The following ZNF322 variants were observed in gnomAD, a reference collection of about 807,000 sequenced individuals.
The protein encoded by ZNF322 is zinc finger protein 322, also known as HLA complex group 12.
Under a neutral mutation model 18.3 loss-of-function variants are expected in ZNF322, and 1 was observed. The ratio of observed to expected loss-of-function variants is 0.05; its 90% CI spans 0.02 to 0.26. The LOEUF (loss-of-function observed/expected upper bound fraction) is 0.26, where lower values mean the gene tolerates loss of function less well. Ranked by LOEUF, ZNF322 falls within the 10% of genes least tolerant of loss-of-function variation. The probability of loss-of-function intolerance (pLI) is 1.00; values close to 1 mark genes in which losing one functional copy is unlikely to be tolerated. For missense variants in ZNF322, 36 were observed against 403.6 expected (o/e 0.09, Z 7.80); for synonymous variants, 17 against 130.7 (o/e 0.13, Z 5.93).
Position 26,656,089 on chromosome 6 carries a change from T to C in ZNF322, c.-246+2469A>G, listed in dbSNP as rs1010943123. On this transcript the variant is annotated intron_variant, in intron 2 of 3. Transcript: ENST00000415922. ...GGGAGTTCTTTGTACCATTTTGCAATTTTTTGTATATCTGTACTTATTCAA... is the reference window on the plus strand; with the variant it reads ...GGGAGTTCTTTGTACCATTTTGCAACTTTTTGTATATCTGTACTTATTCAA... 1.6e-4 allele frequency among the ~76,000 whole-genome samples: 24 copies of C among 152,354 alleles called. No individual in the cohort carries two copies. In the East Asian group the frequency reaches 4.6e-3, roughly 29 times the overall value.
intron 2 of ZNF322, among the ~76,000 whole-genome samples, chr6:26,645,434 C>T (rs1765539096): frequency 6.6e-6 from 1 of 152,112 alleles, no homozygotes; most frequent in South Asian, 2.1e-4. Context: ...GAAAAACCCA[C>T]TCTAAGTACA....
At chr6:26,640,803 T>C (rs1219741435) in intron 3 of ZNF322, among the ~76,000 whole-genome samples, 2 of 152,170 alleles carry the variant, frequency 1.3e-5, no homozygotes, top group Non-Finnish European at 2.9e-5. Flanking sequence ...TATGAAAACT[T>C]TGACTGCAAA....
chr6:26,643,950 A>G (rs2113662239), intron 2 of ZNF322, among the ~76,000 whole-genome samples: 1 of 152,308 alleles, frequency 6.6e-6, no homozygotes, highest in South Asian at 2.1e-4. Context: ...TGCACAATCT[A>G]TAGCTTCCTT....
intron 2 of ZNF322, among the ~76,000 whole-genome samples, chr6:26,648,243 G>A (rs1554148867): frequency 1.3e-5 from 2 of 152,176 alleles, no homozygotes; most frequent in African/African-American, 4.8e-5. Context: ...GATAGTGAAA[G>A]AACCTGCAAC....
intron 1 of ZNF322, 144 bp downstream of exon 1, chr6:26,659,297 C>G (rs1765839509): frequency 1.3e-5 from 2 of 154,738 alleles, no homozygotes; most frequent in South Asian, 4.1e-4. Context: ...CATTGACCAT[C>G]TTTCAGTCCT....
At chr6:26,645,473 G>GA (rs1403289349) in intron 2 of ZNF322, among the ~76,000 whole-genome samples, 93 of 147,400 alleles carry the variant, frequency 6.3e-4, no homozygotes, top group African/African-American at 1.8e-3. Flanking sequence ...AGTATGTATA[G>GA]AAAAAAAAAA....
intron 2 of ZNF322, among the ~76,000 whole-genome samples, chr6:26,654,552 T>C (rs1554149530): frequency 6.6e-6 from 1 of 152,058 alleles, no homozygotes; most frequent in Non-Finnish European, 1.5e-5. Flanking sequence ...ATGGAAGGAC[T>C]GCCACTGTAC....
rs1765360805 is a variant in ZNF322 at position 26,636,752 on chromosome 6, G to GAT, written c.*592_*593insAT. 1 of 103,314 alleles carries GAT rather than the reference G, an allele frequency of 9.7e-6. No individual in the cohort carries two copies. The allele number at this position is 103,314 out of a possible 1,614,324, so 6.4% of individuals were successfully genotyped here. A position where few individuals can be genotyped will look rare whatever the true frequency, so the allele number is the denominator to read the frequency against. On this transcript the variant is annotated 3_prime_UTR_variant, in exon 4 of 4. Transcript: ENST00000415922. ...CACTTGCAGTCTTTCCTCAGATTGG[G>GAT]TTTTTTTTTTTGGGTGCAAACCCAA... is the stretch of plus-strand genomic sequence containing the variant.
intron 2 of ZNF322, among the ~76,000 whole-genome samples, chr6:26,658,251 A>T (rs1765816741): frequency 6.6e-6 from 1 of 152,118 alleles, no homozygotes; most frequent in Admixed American, 6.5e-5. Flanking sequence ...CCAGGATTTC[A>T]ATACCTATCT....
At chr6:26,659,116 T>C (rs1765835405) in intron 1 of ZNF322, among the ~76,000 whole-genome samples, 1 of 152,224 alleles carries the variant, frequency 6.6e-6, no homozygotes, top group East Asian at 1.9e-4. Flanking sequence ...TTTCTGCAGA[T>C]AGATTCAACT....
At chr6:26,652,165 G>C (rs1218106155) in intron 2 of ZNF322, among the ~76,000 whole-genome samples, 1 of 152,092 alleles carries the variant, frequency 6.6e-6, no homozygotes, top group Admixed American at 6.6e-5. Flanking sequence ...AACAACAAAG[G>C]TATGATCCAT....
intron 2 of ZNF322, among the ~76,000 whole-genome samples, chr6:26,657,272 C>T (rs1221393804): frequency 6.6e-6 from 1 of 151,760 alleles, no homozygotes; most frequent in African/African-American, 2.4e-5. Flanking sequence ...AAAATCACGA[C>T]ACTTCCCTAA....
intron 2 of ZNF322, among the ~76,000 whole-genome samples, chr6:26,657,696 TAA>T (rs1168449336): frequency 6.6e-6 from 1 of 152,104 alleles, no homozygotes; most frequent in African/African-American, 2.4e-5. Flanking sequence ...ATTTGTTGAA[TAA>T]ATGAAAAGTG....
intron 3 of ZNF322, among the ~76,000 whole-genome samples, chr6:26,641,146 T>C (rs1554148262): frequency 6.6e-6 from 1 of 151,960 alleles, no homozygotes; most frequent in Non-Finnish European, 1.5e-5. Flanking sequence ...ATGCTTTCCT[T>C]GCGAAAGGCA....
intron 2 of ZNF322, among the ~76,000 whole-genome samples, chr6:26,653,196 G>A (rs568036157): frequency 5.9e-5 from 9 of 152,216 alleles, no homozygotes; most frequent in African/African-American, 1.9e-4. Flanking sequence ...AATTAAATCA[G>A]TATACATTAA....
chr6:26,652,443 C>T (rs1690042558), intron 2 of ZNF322, among the ~76,000 whole-genome samples: 1 of 152,180 alleles, frequency 6.6e-6, no homozygotes, highest in Admixed American at 6.5e-5. Context: ...AATCCCAGCA[C>T]TTTGGGAGGC....
intron 2 of ZNF322, among the ~76,000 whole-genome samples, chr6:26,653,031 T>G (rs1016195878): frequency 6.6e-6 from 1 of 152,206 alleles, no homozygotes; most frequent in African/African-American, 2.4e-5. Flanking sequence ...TTCTCACCAA[T>G]TAAATCTGCA....
chr6:26,652,817 T>A (rs1180012597), intron 2 of ZNF322, among the ~76,000 whole-genome samples: 1 of 152,144 alleles, frequency 6.6e-6, no homozygotes, highest in Non-Finnish European at 1.5e-5. Flanking sequence ...AAGAAATGTA[T>A]CACTCTGTTG....
chr6:26,652,064 G>C (rs1444368364), intron 2 of ZNF322, among the ~76,000 whole-genome samples: 2 of 152,150 alleles, frequency 1.3e-5, no homozygotes, highest in African/African-American at 4.8e-5. Flanking sequence ...GAACTCCTGA[G>C]CTCAACTGAT....
Sources: gnomAD v4.1 joint callset for allele counts (sites outside exome capture counted in the v4.1 genomes callset) on GRCh38, gnomAD v4.1.1 for gene constraint, MANE v1.5 for transcripts, NCBI Gene and HGNC (gene_info 2026-07-23, HGNC 2026-07-21) for gene names.